PPFIA4: variants seen among roughly 807,000 people sequenced by gnomAD.
PPFIA4 encodes the protein PPFI scaffold protein A4, also known as liprin-alpha-4.
PPFIA4 carries 98 observed loss-of-function variants against 145.7 expected under a neutral mutation model. The ratio of observed to expected loss-of-function variants is 0.67; its 90% CI spans 0.57 to 0.80. PPFIA4 has a LOEUF of 0.80. Among genes scored for constraint, PPFIA4 ranks in the 30% least tolerant of loss-of-function variants. The pLI is 0.00. For synonymous variants in PPFIA4, 628 were observed against 649.6 expected (o/e 0.97, Z 0.51); for missense variants, 1,457 against 1,632.7 (o/e 0.89, Z 1.85).
rs12097602 is a variant in PPFIA4 at position 203,056,300 on chromosome 1, G to T, written c.2107-75G>T. On this transcript the variant is annotated intron_variant, in intron 17 of 29. Transcript: ENST00000295706. The stretch of plus-strand genomic sequence containing the variant: ...TCCCCACTGCATTTCTCCATGCTCC[G>T]CCACCTCTTCTGGGCTGGGTAGGCA... 386 of 1,597,218 alleles carry T rather than the reference G, an allele frequency of 2.4e-4. 1 individual carries two copies. Among genetic ancestry groups the T allele is most frequent in the Middle Eastern group, 1.7e-3 (10 of 5,776 alleles).
intron 19 of PPFIA4, among the ~76,000 whole-genome samples, chr1:203,057,385 T>C (rs1202284369): frequency 6.6e-6 from 1 of 152,230 alleles, no homozygotes; most frequent in East Asian, 1.9e-4. Context: ...CAAAATGTGA[T>C]AACACCTAAT....
In PPFIA4 at chr1:203,075,120, C is replaced by G. The variant is rs1390755642; in HGVS notation, c.3394-457C>G. 6.6e-6 allele frequency among the ~76,000 whole-genome samples: 1 copy of G among 152,102 alleles called. No homozygotes were observed. The highest frequency in any genetic ancestry group is 2.1e-4 in the South Asian group (1 of 4,822). On this transcript the variant is annotated intron_variant, in intron 28 of 29. Transcript: ENST00000295706. The surrounding 1 kb of genome is among the most constrained non-coding windows in gnomAD (Gnocchi z 4.1). The stretch of plus-strand genomic sequence containing the variant: ...TAGAAGCCAGGTGTCTGACTCCCGC[C>G]CGACATAGTACTCTTCTGGTATACT...
At chr1:203,059,341 G>C in intron 20 of PPFIA4, 70 bp downstream of exon 20, 1 of 1,313,756 alleles carries the variant, frequency 7.6e-7, no homozygotes. Context: ...CCCCTGGGCT[G>C]CTGTGAAACT....
At position 203,056,104 on chromosome 1, in the gene PPFIA4, T is replaced by A; in HGVS notation, c.2071-16T>A. 2 of 1,613,902 alleles carry A rather than the reference T, an allele frequency of 1.2e-6. No individual in the cohort carries two copies. The highest frequency in any genetic ancestry group is 1.7e-6 in the Non-Finnish European group (2 of 1,179,846). On this transcript the variant is annotated splice_polypyrimidine_tract_variant and intron_variant, in intron 16 of 29. Transcript: ENST00000295706. Reference sequence around the variant, plus strand: ...CAGAGGGTGAGTCTGAGCTTACCCATCCCTCTCTCTTGCAGCCCAGTGACT... The same window carrying A: ...CAGAGGGTGAGTCTGAGCTTACCCAACCCTCTCTCTTGCAGCCCAGTGACT...
At chr1:203,031,193 G>A (rs963707065) in intron 1 of PPFIA4, among the ~76,000 whole-genome samples, 1 of 152,116 alleles carries the variant, frequency 6.6e-6, no homozygotes, top group Non-Finnish European at 1.5e-5. Flanking sequence ...GAGTAGCTGG[G>A]AATACAGGTG....
At chr1:203,032,391 T>A (rs1440458413) in intron 1 of PPFIA4, among the ~76,000 whole-genome samples, 1 of 150,588 alleles carries the variant, frequency 6.6e-6, no homozygotes, top group Non-Finnish European at 1.5e-5. Context: ...TATTTGCGGA[T>A]GGGGGCCCAG....
In PPFIA4 at chr1:203,068,727, G is replaced by C. The variant is rs1661914021; in HGVS notation, c.3324+99G>C. ...CACAAAGGCTTAGGTATCTTGGGGGGTGGGGAGCTTTTCTAGGGCCTATGC... is the reference window on the plus strand; with the variant it reads ...CACAAAGGCTTAGGTATCTTGGGGGCTGGGGAGCTTTTCTAGGGCCTATGC... On this transcript the variant is annotated intron_variant, in intron 27 of 29. Transcript: ENST00000295706. This position sits in a 1 kb window ranked among gnomAD's most constrained non-coding sequence, Gnocchi z 4.7. 2.4e-6 allele frequency: 3 copies of C among 1,274,098 alleles called. No individual in the cohort carries two copies. Among genetic ancestry groups the C allele is most frequent in the Admixed American group, 7.3e-5 (2 of 27,548 alleles). The allele number at this position is 1,274,098 out of a possible 1,614,324, so 78.9% of individuals were successfully genotyped here.
intron 7 of PPFIA4, 44 bp downstream of exon 7, chr1:203,045,603 G>T (rs771422771): frequency 6.6e-7 from 1 of 1,509,770 alleles, no homozygotes; most frequent in South Asian, 1.3e-5. Context: ...ATTGTGGAGC[G>T]TGTGGAGGGA....
Position 203,055,354 on chromosome 1 carries a change from T to C in PPFIA4, c.1830-78T>C. The C allele has an allele frequency of 1.9e-6, 3 of 1,584,632 alleles. No homozygotes were observed. The highest frequency in any genetic ancestry group is 2.3e-5 in the South Asian group (2 of 88,472). On this transcript the variant is annotated intron_variant, in intron 15 of 29. Coordinates refer to ENST00000295706, the MANE Select transcript of PPFIA4 (RefSeq NM_001304331.2). This position sits in a 1 kb window ranked among gnomAD's most constrained non-coding sequence, Gnocchi z 4.8. ...ACCGCATGTGGTCCTTGGTGGCGAGTGCAGGCATCGACCCGCACTGCCTCC... is the reference window on the plus strand; with the variant it reads ...ACCGCATGTGGTCCTTGGTGGCGAGCGCAGGCATCGACCCGCACTGCCTCC...
chr1:203,048,482 C>T lies in PPFIA4; in HGVS notation c.1225-101C>T. ...GGTCAGGAGACTGGAGAGAGTGGCT[C>T]CCAGAGGATGAGAAGAGGACAGGGG... On this transcript the variant is annotated intron_variant, in intron 10 of 29. Coordinates refer to ENST00000295706, the MANE Select transcript of PPFIA4 (RefSeq NM_001304331.2). The surrounding 1 kb of genome is among the most constrained non-coding windows in gnomAD (Gnocchi z 5.8). The T allele has an allele frequency of 4.6e-6, 7 of 1,517,684 alleles. No individual in the cohort carries two copies. In the South Asian group the frequency reaches 7.3e-5, roughly 16 times the overall value. The allele number at this position is 1,517,684 out of a possible 1,614,324, so 94.0% of individuals were successfully genotyped here.
At chr1:203,072,321 C>CA (rs1183939493) in intron 28 of PPFIA4, among the ~76,000 whole-genome samples, 73 of 152,322 alleles carry the variant, frequency 4.8e-4, no homozygotes, top group African/African-American at 1.7e-3. Context: ...TCTAGTTTCA[C>CA]CCTTGGGTCT....
At chr1:203,029,651 A>G (rs1658677282) in intron 1 of PPFIA4, among the ~76,000 whole-genome samples, 2 of 152,232 alleles carry the variant, frequency 1.3e-5, no homozygotes, top group African/African-American at 2.4e-5. Flanking sequence ...TCCATGAAGC[A>G]GGGCCTCCTT....
In PPFIA4 at chr1:203,043,644, C is replaced by T; in HGVS notation, c.336+146C>T. On this transcript the variant is annotated intron_variant, in intron 3 of 29. Coordinates refer to ENST00000295706, the MANE Select transcript of PPFIA4 (RefSeq NM_001304331.2). This position sits in a 1 kb window ranked among gnomAD's most constrained non-coding sequence, Gnocchi z 4.4. The stretch of plus-strand genomic sequence containing the variant: ...AAGCCCCATCCTTCCCTCTTCCTGT[C>T]TCCCATCCTGGGGTGAGAGTTACAT... 1 of 799,770 alleles carries T rather than the reference C, an allele frequency of 1.3e-6. No homozygotes were observed. The allele number at this position is 799,770 out of a possible 1,614,324, so 49.5% of individuals were successfully genotyped here. A position where few individuals can be genotyped will look rare whatever the true frequency, so the allele number is the denominator to read the frequency against.
In PPFIA4 at chr1:203,040,190, G is replaced by T. The variant is rs1484028690; in HGVS notation, c.234+948G>T. Among the ~76,000 whole-genome samples the T allele has an allele frequency of 2.6e-5, 4 of 152,244 alleles. No homozygotes were observed. In the East Asian group the frequency reaches 7.7e-4, roughly 29 times the overall value. ...ACCCAGAGAGGGCTGGGGGTTGTGT[G>T]TCTGTGAGACAGTGCTCACAGTGAC... On this transcript the variant is annotated intron_variant, in intron 2 of 29. Coordinates refer to ENST00000295706, the MANE Select transcript of PPFIA4 (RefSeq NM_001304331.2).
At chr1:203,053,631 A>G in intron 14 of PPFIA4, 122 bp from the exon 15 acceptor site, 1 of 777,594 alleles carries the variant, frequency 1.3e-6, no homozygotes, top group Non-Finnish European at 2.1e-6. Context: ...GCGGCCTGAG[A>G]TTCTGCATTT....
intron 24 of PPFIA4, among the ~76,000 whole-genome samples, chr1:203,062,681 G>T (rs951976239): frequency 6.6e-6 from 1 of 151,944 alleles, no homozygotes; most frequent in Non-Finnish European, 1.5e-5. Flanking sequence ...TGGGTCGGGG[G>T]GGATCCGAGC....
At chr1:203,042,796 G>T (rs796577473) in intron 2 of PPFIA4, among the ~76,000 whole-genome samples, 33 of 152,058 alleles carry the variant, frequency 2.2e-4, no homozygotes, top group African/African-American at 8.0e-4. Context: ...GCGCCACCAC[G>T]TCTGACTAAT....
intron 19 of PPFIA4, among the ~76,000 whole-genome samples, chr1:203,058,288 G>C (rs1418360370): frequency 1.3e-5 from 2 of 152,138 alleles, no homozygotes; most frequent in Non-Finnish European, 2.9e-5. Flanking sequence ...GGAGAGGTCT[G>C]TGTGTGAAGG....
rs1315377208 is a variant in PPFIA4 at position 203,071,720 on chromosome 1, A to G, written c.3353A>G (p.Asn1118Ser). Residue 1118 changes from asparagine (N) to serine (S), a missense_variant, in exon 28 of 30, where the codon AAT (asparagine) becomes AGT (serine). Transcript: ENST00000295706. ...CGCCAAGTGATGGAAAGAGAGTTCA[A>G]TAACCTGTTGGCCTTGGGCACAGAC... Reference protein sequence around the residue: ...QARQVMEREFNNLLALGTDRK... With the variant: ...QARQVMEREFSNLLALGTDRK... The G allele has an allele frequency of 6.2e-7, 1 of 1,613,188 alleles. No homozygotes were observed. The highest frequency in any genetic ancestry group is 1.7e-5 in the Admixed American group (1 of 59,964).
Sources: gnomAD v4.1 joint callset for allele counts (sites outside exome capture counted in the v4.1 genomes callset) on GRCh38, gnomAD v4.1.1 for gene constraint, Gnocchi (gnomAD v3.1) non-coding constraint, MANE v1.5 for transcripts, NCBI Gene and HGNC (gene_info 2026-07-23, HGNC 2026-07-21) for gene names.